RPH3A: variants seen among roughly 807,000 people sequenced by gnomAD.
RPH3A encodes the protein rabphilin-3A.
A neutral mutation model predicts 102.2 loss-of-function variants in RPH3A; 48 were observed. That is an observed-to-expected ratio of 0.47 (90% CI 0.37 to 0.60). The LOEUF (loss-of-function observed/expected upper bound fraction) is 0.60. Among genes scored for constraint, RPH3A ranks in the 20% least tolerant of loss-of-function variants. The probability of loss-of-function intolerance (pLI) is 0.00; values close to 1 mark genes in which losing one functional copy is unlikely to be tolerated. For synonymous variants in RPH3A, 310 were observed against 324.3 expected (o/e 0.96, Z 0.47); for missense variants, 781 against 910.1 (o/e 0.86, Z 1.83).
intron 1 of RPH3A, among the ~76,000 whole-genome samples, chr12:112,667,445 C>T (rs180994458): frequency 6.6e-6 from 1 of 152,144 alleles, no homozygotes; most frequent in East Asian, 1.9e-4. Context: ...CCTAATTGCT[C>T]AGGCAGAAAA....
chr12:112,733,189 A>G (rs141271631), intron 1 of RPH3A, among the ~76,000 whole-genome samples: 2 of 152,252 alleles, frequency 1.3e-5, no homozygotes, highest in Non-Finnish European at 2.9e-5. Context: ...ACAGATTTGC[A>G]CACACACCCG....
At chr12:112,841,030 C>T (rs896492413) in intron 4 of RPH3A, among the ~76,000 whole-genome samples, 2 of 151,882 alleles carry the variant, frequency 1.3e-5, no homozygotes, top group African/African-American at 2.4e-5. Context: ...TTAGACCAAT[C>T]TACTGTGATC....
chr12:112,817,892 C>T (rs1377768087), intron 2 of RPH3A, among the ~76,000 whole-genome samples: 1 of 152,128 alleles, frequency 6.6e-6, no homozygotes, highest in Admixed American at 6.5e-5. Context: ...TCAGTCAATT[C>T]TGGTTGTCTT....
At chr12:112,686,465 G>T (rs1397424950) in intron 1 of RPH3A, among the ~76,000 whole-genome samples, 1 of 152,160 alleles carries the variant, frequency 6.6e-6, no homozygotes, top group African/African-American at 2.4e-5. Flanking sequence ...GATGCATGCG[G>T]GGGCTTGAAA....
intron 1 of RPH3A, among the ~76,000 whole-genome samples, chr12:112,733,318 C>A (rs1004569592): frequency 1.3e-5 from 2 of 152,166 alleles, no homozygotes; most frequent in African/African-American, 4.8e-5. Flanking sequence ...TATCTGCACA[C>A]ACATACACCA....
intron 1 of RPH3A, among the ~76,000 whole-genome samples, chr12:112,662,756 C>G (rs1218698334): frequency 2.8e-5 from 4 of 143,662 alleles, no homozygotes; most frequent in Non-Finnish European, 5.9e-5. Context: ...TCCAATAAAA[C>G]TTTGCTTACA....
At chr12:112,829,427 C>T (rs2041933169) in intron 3 of RPH3A, among the ~76,000 whole-genome samples, 2 of 151,956 alleles carry the variant, frequency 1.3e-5, no homozygotes, top group South Asian at 2.1e-4. Flanking sequence ...TGCACCACCA[C>T]GCCTGGCTAA....
At chr12:112,717,319 T>C (rs1311996848) in intron 1 of RPH3A, among the ~76,000 whole-genome samples, 1 of 152,196 alleles carries the variant, frequency 6.6e-6, no homozygotes, top group African/African-American at 2.4e-5. Context: ...CCTATTCTCC[T>C]ACCCTCAACC....
chr12:112,615,463 G>C (rs1489051190), intron 1 of RPH3A, among the ~76,000 whole-genome samples: 3 of 152,138 alleles, frequency 2.0e-5, no homozygotes, highest in Non-Finnish European at 4.4e-5. Context: ...TAACAGTTTT[G>C]GGGGGCATTG....
At position 112,621,472 on chromosome 12, in the gene RPH3A, TC is replaced by T. The variant is rs1230685362; in HGVS notation, c.-140+46156del. Among the ~76,000 whole-genome samples the T allele has an allele frequency of 1.5e-3, 221 of 147,232 alleles. 2 individuals carry two copies. Among genetic ancestry groups the T allele is most frequent in the African/African-American group, 5.3e-3 (209 of 39,342 alleles). On this transcript the variant is annotated intron_variant, in intron 1 of 21. Coordinates refer to the RPH3A transcript ENST00000543106. ...GGACGCACCTGGAAAATCGGGTCAC[TC>T]CCACCCGAATATTGCGCTTTTCAGA... is the stretch of plus-strand genomic sequence containing the variant.
At chr12:112,881,260 G>A (rs1397811859) in intron 14 of RPH3A, among the ~76,000 whole-genome samples, 1 of 152,168 alleles carries the variant, frequency 6.6e-6, no homozygotes, top group Non-Finnish European at 1.5e-5. Context: ...TCTTATCTGA[G>A]CCTCATCCCA....
At chr12:112,621,835 T>G (rs1175075909) in intron 1 of RPH3A, among the ~76,000 whole-genome samples, 162 of 151,578 alleles carry the variant, frequency 1.1e-3, no homozygotes, top group African/African-American at 3.7e-3. Context: ...AGAGCAGTGG[T>G]TCTCCCAGCA....
At chr12:112,838,766 G>A (rs1399550199) in intron 4 of RPH3A, among the ~76,000 whole-genome samples, 2 of 152,162 alleles carry the variant, frequency 1.3e-5, no homozygotes, top group Non-Finnish European at 2.9e-5. Flanking sequence ...ATCAAGGTGG[G>A]AGGCAGGAAA....
intron 1 of RPH3A, among the ~76,000 whole-genome samples, chr12:112,726,948 G>A (rs2040594750): frequency 6.6e-6 from 1 of 152,060 alleles, no homozygotes; most frequent in Non-Finnish European, 1.5e-5. Context: ...ACTTGCACCC[G>A]GGAGGCAGAG....
chr12:112,724,052 ATTTT>A (rs146271090), intron 1 of RPH3A, among the ~76,000 whole-genome samples: 3 of 117,314 alleles, frequency 2.6e-5, no homozygotes, highest in Non-Finnish European at 1.7e-5. Context: ...AATTTTTTTG[ATTTT>A]TTTTTTTTTT....
chr12:112,653,419 G>A (rs2039990339), intron 1 of RPH3A, among the ~76,000 whole-genome samples: 1 of 151,014 alleles, frequency 6.6e-6, no homozygotes, highest in South Asian at 2.1e-4. Context: ...TGTATAGAGA[G>A]CTTACCAGGA....
At chr12:112,841,386 C>G (rs2042141214) in intron 4 of RPH3A, among the ~76,000 whole-genome samples, 1 of 151,846 alleles carries the variant, frequency 6.6e-6, no homozygotes, top group East Asian at 1.9e-4. Flanking sequence ...TTTAGAAGGG[C>G]AGGATAGCAT....
chr12:112,842,784 A>G (rs2042167279), intron 4 of RPH3A, among the ~76,000 whole-genome samples: 2 of 152,256 alleles, frequency 1.3e-5, no homozygotes, highest in East Asian at 1.9e-4. Flanking sequence ...GATGGTCACA[A>G]TAGCAAGGGC....
At chr12:112,687,519 T>C (rs543473011) in intron 1 of RPH3A, among the ~76,000 whole-genome samples, 26 of 152,166 alleles carry the variant, frequency 1.7e-4, no homozygotes, top group South Asian at 4.2e-4. Flanking sequence ...TCTGATTTAG[T>C]TGGTCAGGGA....
Sources: allele counts gnomAD v4.1 joint callset (sites outside exome capture counted in the v4.1 genomes callset), GRCh38; gene constraint gnomAD v4.1.1; transcripts MANE v1.5; gene names NCBI Gene and HGNC (gene_info 2026-07-23, HGNC 2026-07-21).